The following SGCD variants were observed in gnomAD, a reference collection of about 807,000 sequenced individuals.
The protein encoded by SGCD is sarcoglycan delta.
In SGCD, 18 loss-of-function variants were observed where a neutral mutation model predicts 36.6. That is an observed-to-expected ratio of 0.49 (90% CI 0.34 to 0.73). The LOEUF (loss-of-function observed/expected upper bound fraction) is 0.73, where lower values mean the gene tolerates loss of function less well. SGCD is among the 30% of genes least tolerant of loss of function. The pLI is 0.01. For synonymous variants in SGCD, 133 were observed against 130.6 expected (o/e 1.02, Z -0.12); for missense variants, 387 against 346.7 (o/e 1.12, Z -0.92).
intron 1 of SGCD, among the ~76,000 whole-genome samples, chr5:156,004,916 A>G (rs1284792181): frequency 1.3e-5 from 2 of 152,152 alleles, no homozygotes. Flanking sequence ...AGACCTAAAA[A>G]TAGATAAAAG....
At position 156,042,969 on chromosome 5, in the gene SGCD, T is replaced by G. The variant is rs981636251; in HGVS notation, c.-281-74909T>G. 5.3e-5 allele frequency among the ~76,000 whole-genome samples: 8 copies of G among 152,290 alleles called. No individual in the cohort carries two copies. In the East Asian group the frequency reaches 1.5e-3, roughly 29 times the overall value. On this transcript the variant is annotated intron_variant, in intron 1 of 9. Coordinates refer to the SGCD transcript ENST00000517913. ...TTTCATTAGCTTTACAAAGGCAATT[T>G]AGTTTTGGGGAAAGGCTATTGTCAT... is the stretch of plus-strand genomic sequence containing the variant.
intron 3 of SGCD, among the ~76,000 whole-genome samples, chr5:156,390,288 T>C (rs1031689063): frequency 3.9e-5 from 6 of 152,176 alleles, no homozygotes; most frequent in African/African-American, 1.4e-4. Context: ...ATTGTCATCA[T>C]AGGAGATGAC....
intron 3 of SGCD, among the ~76,000 whole-genome samples, chr5:156,499,884 A>G (rs1481864351): frequency 6.6e-6 from 1 of 152,220 alleles, no homozygotes; most frequent in Non-Finnish European, 1.5e-5. Flanking sequence ...AAGAGAAGAA[A>G]GCTAGAGCAG....
chr5:156,306,633 G>C (rs1213174550), intron 3 of SGCD, among the ~76,000 whole-genome samples: 1 of 152,182 alleles, frequency 6.6e-6, no homozygotes, highest in African/African-American at 2.4e-5. Context: ...TGGTAGAGGG[G>C]TGGTGTCAAC....
chr5:156,059,854 C>T (rs1432260831), intron 1 of SGCD, among the ~76,000 whole-genome samples: 1 of 146,476 alleles, frequency 6.8e-6, no homozygotes, highest in Admixed American at 6.8e-5. Flanking sequence ...GAACTATTTC[C>T]CAGTTTGCTG....
At chr5:156,454,219 A>G (rs949622070) in intron 3 of SGCD, among the ~76,000 whole-genome samples, 2 of 152,226 alleles carry the variant, frequency 1.3e-5, no homozygotes, top group South Asian at 2.1e-4. Flanking sequence ...ATTTAGGTCC[A>G]TTGTGTTACC....
intron 3 of SGCD, among the ~76,000 whole-genome samples, chr5:156,255,716 A>G (rs575929937): frequency 6.6e-6 from 1 of 152,114 alleles, no homozygotes; most frequent in East Asian, 1.9e-4. Context: ...TCTTGTTTTC[A>G]TTCATAATCG....
At chr5:156,149,465 A>G (rs2127614231) in intron 3 of SGCD, among the ~76,000 whole-genome samples, 1 of 152,192 alleles carries the variant, frequency 6.6e-6, no homozygotes, top group African/African-American at 2.4e-5. Context: ...TCCCTGAACT[A>G]ATGTTTTCAG....
intron 7 of SGCD, among the ~76,000 whole-genome samples, chr5:156,720,919 C>G (rs560488153): frequency 6.6e-6 from 1 of 152,188 alleles, no homozygotes; most frequent in South Asian, 2.1e-4. Context: ...AGGATGGTGC[C>G]TTGGACTAGG....
chr5:156,569,286 A>G (rs1759622137), intron 4 of SGCD, among the ~76,000 whole-genome samples: 1 of 152,070 alleles, frequency 6.6e-6, no homozygotes, highest in South Asian at 2.1e-4. Flanking sequence ...CTAGGAGGAG[A>G]CAGACAAAAA....
intron 4 of SGCD, among the ~76,000 whole-genome samples, chr5:156,576,467 A>G (rs1207117787): frequency 6.6e-6 from 1 of 152,210 alleles, no homozygotes; most frequent in Non-Finnish European, 1.5e-5. Context: ...GTCAAACGGT[A>G]TTTCTAGTTC....
chr5:156,065,383 G>T (rs1468232438), intron 1 of SGCD, among the ~76,000 whole-genome samples: 3 of 123,918 alleles, frequency 2.4e-5, no homozygotes, highest in Admixed American at 7.8e-5. Flanking sequence ...GAATAGGTGT[G>T]GTGTGGTGCT....
chr5:156,057,389 G>A (rs1471012605), intron 1 of SGCD, among the ~76,000 whole-genome samples: 2 of 146,560 alleles, frequency 1.4e-5, no homozygotes, highest in African/African-American at 4.9e-5. Flanking sequence ...GTTAGTCATT[G>A]AGATGCAGAG....
intron 1 of SGCD, among the ~76,000 whole-genome samples, chr5:156,094,949 C>T (rs1159865473): frequency 6.6e-6 from 1 of 151,988 alleles, no homozygotes; most frequent in Admixed American, 6.5e-5. Flanking sequence ...TGCAGTGAGC[C>T]AGGTTCACAC....
intron 3 of SGCD, among the ~76,000 whole-genome samples, chr5:156,346,597 G>A (rs1298249278): frequency 2.0e-5 from 3 of 152,074 alleles, no homozygotes; most frequent in Admixed American, 2.0e-4. Flanking sequence ...ATCACATCCA[G>A]CTAAGAGTTC....
At chr5:156,300,706 G>A (rs1767032051) in intron 3 of SGCD, among the ~76,000 whole-genome samples, 1 of 152,050 alleles carries the variant, frequency 6.6e-6, no homozygotes, top group Non-Finnish European at 1.5e-5. Flanking sequence ...TGCTGAAACT[G>A]TGGTGTTGAA....
At chr5:156,124,423 C>CGGTTA (rs1762119761) in intron 3 of SGCD, among the ~76,000 whole-genome samples, 4 of 152,064 alleles carry the variant, frequency 2.6e-5, no homozygotes, top group African/African-American at 9.7e-5. Flanking sequence ...TTACAGTGTC[C>CGGTTA]ACAGGAGACT....
the SGCD span, among the ~76,000 whole-genome samples, chr5:155,749,741 ATGGGTTGACT>A: frequency 6.6e-6 from 1 of 152,210 alleles, no homozygotes; most frequent in African/African-American, 2.4e-5. Flanking sequence ...GTTCTTTGTC[ATGGGTTGACT>A]TGGTGTACAT....
intron 3 of SGCD, among the ~76,000 whole-genome samples, chr5:156,357,210 T>C (rs1013414716): frequency 5.3e-5 from 8 of 152,152 alleles, no homozygotes; most frequent in Non-Finnish European, 1.0e-4. Context: ...CTGGCTTTGT[T>C]TTCTCTTACT....
Sources: allele counts gnomAD v4.1 joint callset (sites outside exome capture counted in the v4.1 genomes callset), GRCh38; gene constraint gnomAD v4.1.1; transcripts MANE v1.5; gene names NCBI Gene and HGNC (gene_info 2026-07-23, HGNC 2026-07-21).